Variants in SS18 observed in about 807,000 individuals in gnomAD.
SS18 encodes the protein SS18 subunit of BAF chromatin remodeling complex.
A neutral mutation model predicts 72.5 loss-of-function variants in SS18; 28 were observed. The ratio of observed to expected loss-of-function variants is 0.39; its 90% CI spans 0.29 to 0.53. SS18 has a LOEUF of 0.53. SS18 is among the 20% of genes least tolerant of loss of function. SS18 has a pLI of 0.76. For missense variants in SS18, 518 were observed against 535.3 expected, an observed-to-expected ratio of 0.97 and a Z score of 0.32; for synonymous variants, 172 against 164.2, an observed-to-expected ratio of 1.05 and a Z score of -0.37.
Position 26,035,346 on chromosome 18 carries a change from T to C in SS18, c.974-219A>G. ...TTTGCAAGGTTGAACTGCAGCATTT[T>C]CAGCGTCTCTGCCATACGAGCATTA... On this transcript the variant is annotated intron_variant, in intron 8 of 10. Transcript: ENST00000415083. The surrounding 1 kb of genome is among the most constrained non-coding windows in gnomAD (Gnocchi z 4.4). 4.1e-6 allele frequency: 2 copies of C among 483,970 alleles called. No homozygotes were observed. The highest frequency in any genetic ancestry group is 4.6e-5 in the South Asian group (2 of 43,650). The allele number at this position is 483,970 out of a possible 1,614,324, so 30.0% of individuals were successfully genotyped here. A position where few individuals can be genotyped will look rare whatever the true frequency, so the allele number is the denominator to read the frequency against.
intron 2 of SS18, among the ~76,000 whole-genome samples, chr18:26,085,225 C>T (rs903012907): frequency 1.3e-5 from 2 of 152,110 alleles, no homozygotes; most frequent in Non-Finnish European, 2.9e-5. Context: ...TAAGTAGAAA[C>T]AGTTATCACT....
intron 3 of SS18, chr18:26,068,568 G>C (rs978148270): frequency 6.6e-6 from 1 of 152,138 alleles, no homozygotes; most frequent in African/African-American, 2.4e-5. Flanking sequence ...CTGTAAAAAG[G>C]AAACTCTGTA....
At chr18:26,048,718 C>A (rs899420154) in intron 5 of SS18, among the ~76,000 whole-genome samples, 2 of 152,176 alleles carry the variant, frequency 1.3e-5, no homozygotes, top group Non-Finnish European at 2.9e-5. Context: ...AAAGAGTACA[C>A]TGACAGAAAG....
At chr18:26,077,217 A>C (rs2054431838) in intron 3 of SS18, among the ~76,000 whole-genome samples, 1 of 152,048 alleles carries the variant, frequency 6.6e-6, no homozygotes, top group South Asian at 2.1e-4. Flanking sequence ...TCTTAACATT[A>C]CTAAAAATGG....
At chr18:26,054,795 C>T (rs1424300306) in intron 4 of SS18, among the ~76,000 whole-genome samples, 2 of 149,990 alleles carry the variant, frequency 1.3e-5, no homozygotes, top group Non-Finnish European at 3.0e-5. Context: ...GGCTAGAGTG[C>T]AATGGTGCAA....
At chr18:26,055,591 C>A (rs1212658193) in intron 4 of SS18, among the ~76,000 whole-genome samples, 2 of 152,046 alleles carry the variant, frequency 1.3e-5, no homozygotes, top group Non-Finnish European at 1.5e-5. Context: ...ACATTAAAAA[C>A]CAAACTGAAA....
upstream of SS18, chr18:26,091,007 C>T (rs539671300): frequency 1.6e-4 from 34 of 214,102 alleles, 1 homozygote; most frequent in South Asian, 2.2e-3. Context: ...AACTTGCCTC[C>T]CTCTCCGGCC....
intron 10 of SS18, among the ~76,000 whole-genome samples, chr18:26,031,924 C>G (rs553294435): frequency 2.6e-4 from 39 of 152,036 alleles, no homozygotes; most frequent in Non-Finnish European, 5.4e-4. Context: ...AAGGCAAAGT[C>G]TCAGCAATAA....
intron 10 of SS18, among the ~76,000 whole-genome samples, chr18:26,019,056 AAAGGGACATGATGAAGCAGCACG>A (rs906981997): frequency 2.6e-5 from 4 of 152,148 alleles, no homozygotes; most frequent in African/African-American, 7.2e-5. Context: ...AATATAGACA[AAAGGGACATGATGAAGCAGCACG>A]AAGGGACATG....
chr18:26,028,807 T>C (rs552675296), intron 10 of SS18, among the ~76,000 whole-genome samples: 12 of 152,334 alleles, frequency 7.9e-5, no homozygotes, highest in South Asian at 2.1e-4. Context: ...CTGGGCATGA[T>C]AGATACCCCA....
chr18:26,020,004 G>A (rs1380474793), intron 10 of SS18, among the ~76,000 whole-genome samples: 1 of 152,060 alleles, frequency 6.6e-6, no homozygotes, highest in Non-Finnish European at 1.5e-5. Flanking sequence ...AACTGATGAA[G>A]TTGGGTGATG....
At chr18:26,021,185 A>G (rs1032385336) in intron 10 of SS18, among the ~76,000 whole-genome samples, 1 of 152,212 alleles carries the variant, frequency 6.6e-6, no homozygotes, top group Non-Finnish European at 1.5e-5. Context: ...GATTAAAAGT[A>G]CGGCTTTTGG....
intron 5 of SS18, among the ~76,000 whole-genome samples, chr18:26,048,502 A>G (rs956660698): frequency 6.6e-6 from 1 of 152,246 alleles, no homozygotes; most frequent in African/African-American, 2.4e-5. Context: ...TGCTAGGCCT[A>G]TCTCAAGCAC....
chr18:26,036,192 A>C (rs1237303777), intron 7 of SS18, among the ~76,000 whole-genome samples: 1 of 151,764 alleles, frequency 6.6e-6, no homozygotes, highest in Non-Finnish European at 1.5e-5. Flanking sequence ...GGGAAAAAAA[A>C]CTATCTCCCA....
At chr18:26,057,477 C>T (rs1047362039) in intron 4 of SS18, 112 bp downstream of exon 4, 119 of 1,237,124 alleles carry the variant, frequency 9.6e-5, no homozygotes, top group Non-Finnish European at 1.3e-4. Context: ...AGCTTGTACT[C>T]GGGGGCATTC....
intron 3 of SS18, among the ~76,000 whole-genome samples, chr18:26,058,825 C>A (rs1385672121): frequency 6.6e-6 from 1 of 152,170 alleles, no homozygotes; most frequent in East Asian, 1.9e-4. Flanking sequence ...CTCTTAAATT[C>A]TCATATTATT....
intron 2 of SS18, among the ~76,000 whole-genome samples, chr18:26,084,970 TG>T (rs1323024400): frequency 1.3e-5 from 2 of 152,330 alleles, no homozygotes; most frequent in Non-Finnish European, 2.9e-5. Flanking sequence ...AATATGTGCT[TG>T]TTTTTAGGAA....
chr18:26,071,574 C>CTGT (rs1463660255), intron 3 of SS18, among the ~76,000 whole-genome samples: 2 of 152,104 alleles, frequency 1.3e-5, no homozygotes, highest in Non-Finnish European at 2.9e-5. Context: ...CTCATGCCTA[C>CTGT]AATCCCAGAA....
At chr18:26,054,488 C>T (rs567696718) in intron 4 of SS18, among the ~76,000 whole-genome samples, 1 of 151,978 alleles carries the variant, frequency 6.6e-6, no homozygotes, top group African/African-American at 2.4e-5. Context: ...TTCATAATAA[C>T]AAAAGACTAG....
Sources: allele counts gnomAD v4.1 joint callset (sites outside exome capture counted in the v4.1 genomes callset), GRCh38; gene constraint gnomAD v4.1.1; non-coding constraint Gnocchi (gnomAD v3.1); transcripts MANE v1.5; gene names NCBI Gene and HGNC (gene_info 2026-07-23, HGNC 2026-07-21).